PPP2R3B: variants seen among roughly 807,000 people sequenced by gnomAD.
PPP2R3B encodes serine/threonine-protein phosphatase 2A regulatory subunit B'' subunit beta.
A neutral mutation model predicts 72.9 loss-of-function variants in PPP2R3B; 68 were observed. That is an observed-to-expected ratio of 0.93 (90% CI 0.77 to 1.14). The LOEUF (loss-of-function observed/expected upper bound fraction) is 1.14, where lower values mean the gene tolerates loss of function less well. Among genes scored for constraint, PPP2R3B ranks in the 50% most tolerant of loss-of-function variants. PPP2R3B has a pLI of 0.00. For missense variants in PPP2R3B, 1,018 were observed against 842.0 expected (o/e 1.21, Z -2.59); for synonymous variants, 466 against 375.8 (o/e 1.24, Z -2.78).
At position 334,466 on chromosome X, in the gene PPP2R3B, G is replaced by C; in HGVS notation, c.1629C>G (p.Ser543=). 5 of 1,593,680 alleles carry C rather than the reference G, an allele frequency of 3.1e-6. No homozygotes were observed. Among genetic ancestry groups the C allele is most frequent in the Non-Finnish European group, 4.3e-6 (5 of 1,175,796 alleles). The part of the protein sequence containing the change: ...PVEQKLSALR[S]PLAQRPFFEA... ...CGAAGAAGGGCCTCTGGGCCAGCGG[G>C]GAGCGCAGCGCACTCAGCTTCTGCT... Residue 543 remains serine, a synonymous_variant, in exon 13 of 13, where the codon TCC becomes TCG. Transcript: ENST00000390665.
At chrX:359,829 T>C in intron 2 of PPP2R3B, 1 of 514,424 alleles carries the variant, frequency 1.9e-6, no homozygotes, top group South Asian at 1.4e-5. Context: ...ACCAAAGCTA[T>C]GGAAACTATT....
chrX:375,816 A>ACGCTG (rs1569415924), intron 1 of PPP2R3B, among the ~76,000 whole-genome samples: 1 of 151,430 alleles, frequency 6.6e-6, no homozygotes, highest in African/African-American at 2.4e-5. Context: ...CTGCCACGCC[A>ACGCTG]GGTGACACAC....
chrX:357,130 A>G (rs1203275148), intron 2 of PPP2R3B, among the ~76,000 whole-genome samples: 2 of 152,216 alleles, frequency 1.3e-5, no homozygotes, highest in African/African-American at 2.4e-5. Flanking sequence ...AAATTCTAAG[A>G]GAGGCAAAGC....
At chrX:359,866 A>G (rs1236787052) in intron 2 of PPP2R3B, 4 of 515,368 alleles carry the variant, frequency 7.8e-6, no homozygotes, top group Admixed American at 2.0e-5. Flanking sequence ...CAGCACAGAC[A>G]GGGACAGAAC....
At position 341,339 on chromosome X, in the gene PPP2R3B, C is replaced by CA; in HGVS notation, c.1142dup (p.Leu381PhefsTer4). Reference sequence around the variant, plus strand: ...GTGTTTTTTTGTCTTCCTCAGAGATCAAAAACCAGACAAAGTCGGCATAGC... The same window carrying CA: ...GTGTTTTTTTGTCTTCCTCAGAGATCAAAAAACCAGACAAAGTCGGCATAGC... On this transcript the variant is annotated frameshift_variant, in exon 9 of 13. Transcript: ENST00000390665. LOFTEE classifies it high-confidence loss of function. 1 of 1,612,582 alleles carries CA rather than the reference C, an allele frequency of 6.2e-7. No homozygotes were observed. The highest frequency in any genetic ancestry group is 2.2e-5 in the East Asian group (1 of 44,844).
chrX:369,175 G>C lies in PPP2R3B; in HGVS notation c.325-7585C>G, dbSNP rs912634465. On this transcript the variant is annotated intron_variant, in intron 1 of 12. Coordinates refer to ENST00000390665, the MANE Select transcript of PPP2R3B (RefSeq NM_013239.5). ...GTAGCCGGTGAGGCCAGGCATCTAC[G>C]GTAAACACAGAAGGAGCAAAAACAG... Among the ~76,000 whole-genome samples the C allele has an allele frequency of 2.6e-5, 4 of 152,258 alleles. No individual in the cohort carries two copies. In the East Asian group the frequency reaches 5.8e-4, roughly 22 times the overall value.
rs1490617172 is a variant in PPP2R3B, at chrX:334,045, C to A, written c.*322G>T. 7.4e-6 allele frequency: 2 copies of A among 269,124 alleles called. No homozygotes were observed. The highest frequency in any genetic ancestry group is 2.2e-5 in the African/African-American group (1 of 45,076). The allele number at this position is 269,124 out of a possible 1,614,324, so 16.7% of individuals were successfully genotyped here. A position where few individuals can be genotyped will look rare whatever the true frequency, so the allele number is the denominator to read the frequency against. ...CAGGACTGAGGCGCCCGGGAGCCGC[C>A]GGTCACCGTTGTGCGCACACGGACC... On this transcript the variant is annotated 3_prime_UTR_variant, in exon 13 of 13. Transcript: ENST00000390665.
At position 354,076 on chromosome X, in the gene PPP2R3B, C is replaced by CT. The variant is rs1444333699; in HGVS notation, c.511-6384_511-6383insA. Among the ~76,000 whole-genome samples, 13 of 133,150 alleles carry CT rather than the reference C, an allele frequency of 9.8e-5. 2 individuals carry two copies. Among genetic ancestry groups the CT allele is most frequent in the African/African-American group, 3.3e-4 (9 of 27,524 alleles). 87.4% of individuals were successfully genotyped at this position (133,150 alleles called of 152,430 possible). ...CCAAAGACCGGGGCTCGCCCAAAGA[C>CT]CGGGGCTCACCCAGGGACCAGGGGC... is the stretch of plus-strand genomic sequence containing the variant. On this transcript the variant is annotated intron_variant, in intron 2 of 12. Coordinates refer to ENST00000390665, the MANE Select transcript of PPP2R3B (RefSeq NM_013239.5).
At chrX:347,193 C>T (rs1328069119) in intron 4 of PPP2R3B, 41 bp downstream of exon 4, 1 of 1,453,826 alleles carries the variant, frequency 6.9e-7, no homozygotes. Flanking sequence ...GCGGGCCCTC[C>T]CGTGAAGGAT....
intron 12 of PPP2R3B, chrX:337,800 C>T (rs35239039): frequency 0.4 from 61,120 of 152,196 alleles, 13,444 homozygotes; most frequent in South Asian, 0.51. Context: ...GTCACGACGC[C>T]GAGGCAACGC....
chrX:355,520 A>G (rs2738392), intron 2 of PPP2R3B, among the ~76,000 whole-genome samples: 43,475 of 151,950 alleles, frequency 0.29, 6,709 homozygotes, highest in East Asian at 0.38. Flanking sequence ...ACAACGGTGC[A>G]GCCACTCGGG....
intron 1 of PPP2R3B, among the ~76,000 whole-genome samples, chrX:371,322 C>G (rs1241565379): frequency 6.6e-6 from 1 of 152,128 alleles, no homozygotes; most frequent in Non-Finnish European, 1.5e-5. Flanking sequence ...CGGGAGCCTC[C>G]CCGGACCCAC....
chrX:339,174 CGCTGCTGGAT>C (rs2070984104), intron 10 of PPP2R3B, among the ~76,000 whole-genome samples: 1 of 150,470 alleles, frequency 6.6e-6, no homozygotes, highest in South Asian at 2.1e-4. Context: ...CCAGCAGGGG[CGCTGCTGGAT>C]CTGAAATTAC....
At chrX:385,305 CTTG>C (rs1315187846) in intron 1 of PPP2R3B, among the ~76,000 whole-genome samples, 1 of 141,074 alleles carries the variant, frequency 7.1e-6, no homozygotes, top group Admixed American at 7.2e-5. Context: ...CCTCCAAGTG[CTTG>C]TTTTTAGTTT....
chrX:347,774 C>T lies in PPP2R3B; in HGVS notation c.511-81G>A, dbSNP rs529635796. 1.7e-4 allele frequency: 179 copies of T among 1,060,838 alleles called. 1 individual carries two copies. Among genetic ancestry groups the T allele is most frequent in the African/African-American group, 6.9e-4 (43 of 62,212 alleles). 65.7% of individuals were successfully genotyped at this position (1,060,838 alleles called of 1,614,324 possible). ...TGCTGCGTACCTCGCGCCTGACCGA[C>T]GCCGCCCAGAGACCCTCTGCTGCAG... On this transcript the variant is annotated intron_variant, in intron 2 of 12. Transcript: ENST00000390665.
intron 2 of PPP2R3B, among the ~76,000 whole-genome samples, chrX:356,919 C>T: frequency 8.4e-6 from 1 of 119,186 alleles, no homozygotes; most frequent in South Asian, 2.6e-4. Flanking sequence ...GGTAACCACG[C>T]CTTCGCCAGC....
intron 2 of PPP2R3B, among the ~76,000 whole-genome samples, chrX:357,480 G>A (rs2071460495): frequency 6.6e-6 from 1 of 152,198 alleles, no homozygotes; most frequent in African/African-American, 2.4e-5. Context: ...ACTGACAGCT[G>A]CTTTACTGAA....
chrX:369,482 C>T (rs919899983), intron 1 of PPP2R3B, among the ~76,000 whole-genome samples: 2 of 152,174 alleles, frequency 1.3e-5, no homozygotes, highest in African/African-American at 4.8e-5. Flanking sequence ...TTCCAGAGTA[C>T]ACCCACAGTT....
At chrX:346,321 G>GGAGACCGGGAGCC in intron 5 of PPP2R3B, 61 bp from the exon 6 acceptor site, 2 of 1,483,020 alleles carry the variant, frequency 1.3e-6, no homozygotes, top group Non-Finnish European at 1.8e-6. Context: ...CGCCCCGCAC[G>GGAGACCGGGAGCC]GAGACCGGGA....
Sources: allele counts gnomAD v4.1 joint callset (sites outside exome capture counted in the v4.1 genomes callset), GRCh38; gene constraint gnomAD v4.1.1; transcripts MANE v1.5; gene names NCBI Gene and HGNC (gene_info 2026-07-23, HGNC 2026-07-21).